The following LRRC43 variants were observed in gnomAD, a reference collection of about 807,000 sequenced individuals.
LRRC43 encodes the protein leucine rich repeat containing 43, also known as leucine-rich repeat-containing protein 43.
Under a neutral mutation model 64.3 loss-of-function variants are expected in LRRC43, and 62 were observed. That is an observed-to-expected ratio of 0.96 (90% confidence interval 0.79 to 1.19). The LOEUF (loss-of-function observed/expected upper bound fraction) is 1.19. Ranked by LOEUF, LRRC43 falls within the 50% of genes most tolerant of loss-of-function variation. LRRC43 has a pLI of 0.00. For synonymous variants in LRRC43, 422 were observed against 382.3 expected (o/e 1.10, Z -1.21); for missense variants, 868 against 845.0 (o/e 1.03, Z -0.34).
At chr12:122,174,252 A>T (rs1953517861) in intron 1 of LRRC43, 1 of 1,537,690 alleles carries the variant, frequency 6.5e-7, no homozygotes, top group African/African-American at 1.4e-5. Context: ...AGGTATATAA[A>T]GGGCCAGGGT....
Position 122,183,240 on chromosome 12 carries a change from C to T in LRRC43, c.96C>T (p.Arg32=), listed in dbSNP as rs992016797. 4 of 1,570,108 alleles carry T rather than the reference C, an allele frequency of 2.5e-6. No individual in the cohort carries two copies. Among genetic ancestry groups the T allele is most frequent in the Non-Finnish European group, 3.4e-6 (4 of 1,167,698 alleles). The change falls in exon 1 of 12, where the codon CGC becomes CGT. Residue 32 remains arginine (R), a synonymous_variant. Transcript: ENST00000339777. The part of the protein sequence containing the change: ...PGTGTVSAAV[R]EHLRKLCLRE... ...CCGGGACCGTGAGCGCGGCCGTGCG[C>T]GAGCACTTGCGGAAGCTGTGTCTGC...
intron 1 of LRRC43, among the ~76,000 whole-genome samples, chr12:122,177,759 C>T (rs1256695840): frequency 1.3e-5 from 2 of 152,050 alleles, no homozygotes; most frequent in African/African-American, 4.8e-5. Flanking sequence ...GCCTCACCTT[C>T]CCAAAGTGCT....
At chr12:122,170,069 A>G (rs1456737770) in intron 1 of LRRC43, among the ~76,000 whole-genome samples, 1 of 152,040 alleles carries the variant, frequency 6.6e-6, no homozygotes, top group Non-Finnish European at 1.5e-5. Flanking sequence ...AGCCTCCCAA[A>G]GTGCTGGGAT....
chr12:122,187,679 G>C, intron 3 of LRRC43, 22 bp from the exon 4 acceptor site: 1 of 1,611,388 alleles, frequency 6.2e-7, no homozygotes, highest in East Asian at 2.2e-5. Context: ...CATCGTCCCG[G>C]GCCTTCCGTG....
chr12:122,173,084 G>A (rs749961250), intron 1 of LRRC43, among the ~76,000 whole-genome samples: 5 of 152,046 alleles, frequency 3.3e-5, no homozygotes, highest in Non-Finnish European at 5.9e-5. Flanking sequence ...TTAAAGCCAC[G>A]CACGCTCCAC....
intron 1 of LRRC43, among the ~76,000 whole-genome samples, chr12:122,173,580 A>G (rs1953508527): frequency 6.6e-6 from 1 of 151,874 alleles, no homozygotes; most frequent in Non-Finnish European, 1.5e-5. Context: ...GCTACTCGGG[A>G]GGCTGAGGCA....
At chr12:122,192,219 C>A (rs1363265082) in intron 6 of LRRC43, among the ~76,000 whole-genome samples, 2 of 152,146 alleles carry the variant, frequency 1.3e-5, no homozygotes, top group Non-Finnish European at 2.9e-5. Flanking sequence ...CTGACTGCAA[C>A]CTCTGCCTCT....
chr12:122,172,765 A>G, intron 1 of LRRC43: 1 of 1,566,504 alleles, frequency 6.4e-7, no homozygotes, highest in Non-Finnish European at 8.7e-7. Flanking sequence ...AGAAATGGTC[A>G]GTGTTGGGTT....
chr12:122,188,879 C>T (rs765867244), intron 4 of LRRC43, among the ~76,000 whole-genome samples: 17 of 152,180 alleles, frequency 1.1e-4, no homozygotes, highest in Non-Finnish European at 2.1e-4. Context: ...ATGCCAGGAG[C>T]ACTTCCCCAT....
rs781711648 is a variant in LRRC43 at position 122,190,315 on chromosome 12, T to C, written c.848T>C (p.Ile283Thr). ...SLAQLCVLDD[I>T]TVSPNEKHLF... ...GCCCAGCTCTGCGTGCTGGACGACA[T>C]CACCGTGTCTCCCAATGAGAAGCAT... The change falls in exon 5 of 12, where the codon ATC (isoleucine) becomes ACC (threonine). Residue 283 changes from isoleucine to threonine, a missense_variant. By Grantham distance (89) the Ile-to-Thr change is moderately conservative (BLOSUM62 -1). Coordinates refer to ENST00000339777, the MANE Select transcript of LRRC43 (RefSeq NM_001098519.2). 1.2e-6 allele frequency: 2 copies of C among 1,614,134 alleles called. No individual in the cohort carries two copies. The highest frequency in any genetic ancestry group is 2.2e-5 in the East Asian group (1 of 44,856).
intron 1 of LRRC43, among the ~76,000 whole-genome samples, chr12:122,168,427 G>A (rs4040811): frequency 0.45 from 66,754 of 149,432 alleles, 15,328 homozygotes; most frequent in East Asian, 0.69. Flanking sequence ...GGCAACAAAG[G>A]CAAAACTCTG....
intron 7 of LRRC43, among the ~76,000 whole-genome samples, chr12:122,198,067 G>T (rs1354350421): frequency 6.6e-6 from 1 of 151,722 alleles, no homozygotes; most frequent in Admixed American, 6.6e-5. Context: ...CACAACCTCC[G>T]CCTCCCGGGT....
intron 1 of LRRC43, among the ~76,000 whole-genome samples, chr12:122,170,791 C>T (rs997264864): frequency 1.3e-5 from 2 of 151,986 alleles, no homozygotes; most frequent in Admixed American, 1.3e-4. Context: ...CAGTTTCCCC[C>T]GAGATAAGAT....
chr12:122,191,074 C>A (rs578234989), intron 5 of LRRC43, among the ~76,000 whole-genome samples: 3 of 152,204 alleles, frequency 2.0e-5, no homozygotes, highest in Non-Finnish European at 4.4e-5. Context: ...TGGTTCATGC[C>A]GCAAGGTGCA....
rs764445792 is a variant in LRRC43 at position 122,200,734 on chromosome 12, CCGTCGT to C, written c.1621-9_1621-4del. 1.2e-6 allele frequency: 2 copies of C among 1,612,984 alleles called. No individual in the cohort carries two copies. The highest frequency in any genetic ancestry group is 2.7e-5 in the African/African-American group (2 of 74,910). On this transcript the variant is annotated splice_region_variant and splice_polypyrimidine_tract_variant and intron_variant, in intron 9 of 11. Transcript: ENST00000339777. This position sits in a 1 kb window ranked among gnomAD's most constrained non-coding sequence, Gnocchi z 4.6. ...CAACTTGTCCCACCCTCCTGTCCTC[CCGTCGT>C]CGCAGGAGTGGAAGGTGCTGAAGAA...
Position 122,184,599 on chromosome 12 carries a change from A to T in LRRC43, c.231A>T (p.Gly77=). The change falls in exon 2 of 12, where the codon GGA becomes GGT. Residue 77 remains glycine, a synonymous_variant. Coordinates refer to ENST00000339777, the MANE Select transcript of LRRC43 (RefSeq NM_001098519.2). This position sits in a 1 kb window ranked among gnomAD's most constrained non-coding sequence, Gnocchi z 4.0. ...VPREEDVVSP[G]EETVEALLGL... is the part of the protein sequence containing the mutation. ...GAGAGGAGGATGTGGTGAGCCCCGG[A>T]GAGGAGACGGTGGAGGCCCTGCTGG... 6.2e-7 allele frequency: 1 copy of T among 1,613,882 alleles called. No homozygotes were observed. The highest frequency in any genetic ancestry group is 8.5e-7 in the Non-Finnish European group (1 of 1,179,872).
At position 122,183,225 on chromosome 12, in the gene LRRC43, G is replaced by C; in HGVS notation, c.81G>C (p.Val27=). The C allele has an allele frequency of 2.6e-6, 4 of 1,566,988 alleles. No individual in the cohort carries two copies. Among genetic ancestry groups the C allele is most frequent in the Non-Finnish European group, 3.4e-6 (4 of 1,165,958 alleles). ...CTCAGCGGCCCGGGACCGGGACCGT[G>C]AGCGCGGCCGTGCGCGAGCACTTGC... is the stretch of plus-strand genomic sequence containing the variant. ...PGTQRPGTGT[V]SAAVREHLRK... is the part of the protein sequence containing the mutation. The change falls in exon 1 of 12, where the codon GTG becomes GTC. Residue 27 remains valine (V), a synonymous_variant. Transcript: ENST00000339777.
In LRRC43 at chr12:122,191,422, ACAT is replaced by A. The variant is rs1953716466; in HGVS notation, c.947_949del (p.Ile316del). 1.2e-6 allele frequency: 2 copies of A among 1,613,250 alleles called. No individual in the cohort carries two copies. Among genetic ancestry groups the A allele is most frequent in the African/African-American group, 2.7e-5 (2 of 74,990 alleles). On this transcript the variant is annotated inframe_deletion, in exon 6 of 12. Coordinates refer to ENST00000339777, the MANE Select transcript of LRRC43 (RefSeq NM_001098519.2). ...GCGCAGTTTGTGGTGACCATCGGAA[ACAT>A]CAGAGGAGTCCTGGACACCTCTGTC... is the stretch of plus-strand genomic sequence containing the variant.
intron 1 of LRRC43, among the ~76,000 whole-genome samples, chr12:122,177,406 A>G (rs1953545358): frequency 6.6e-6 from 1 of 152,092 alleles, no homozygotes; most frequent in Admixed American, 6.6e-5. Context: ...ATTTCAGCTC[A>G]GTGAGTTCCT....
Sources: allele counts gnomAD v4.1 joint callset (sites outside exome capture counted in the v4.1 genomes callset), GRCh38; gene constraint gnomAD v4.1.1; non-coding constraint Gnocchi (gnomAD v3.1); transcripts MANE v1.5; gene names NCBI Gene and HGNC (gene_info 2026-07-23, HGNC 2026-07-21).